Variants in CADM2 observed in about 807,000 individuals in gnomAD.
CADM2 encodes the protein cell adhesion molecule 2, also known as immunoglobulin superfamily member 4D.
A neutral mutation model predicts 49.8 loss-of-function variants in CADM2; 12 were observed. That is an observed-to-expected ratio of 0.24 (90% CI 0.15 to 0.39). The LOEUF is 0.39. Ranked by LOEUF, CADM2 falls within the 10% of genes least tolerant of loss-of-function variation. The probability of loss-of-function intolerance (pLI) is 1.00; values close to 1 mark genes in which losing one functional copy is unlikely to be tolerated. For missense variants in CADM2, 378 were observed against 492.3 expected (o/e 0.77, Z 2.20); for synonymous variants, 214 against 175.4 (o/e 1.22, Z -1.74).
At chr3:84,994,983 T>C (rs2033098844) in intron 1 of CADM2, among the ~76,000 whole-genome samples, 1 of 152,036 alleles carries the variant, frequency 6.6e-6, no homozygotes, top group African/African-American at 2.4e-5. Flanking sequence ...TCAGCCGAAA[T>C]TGAACCGTTG....
chr3:85,849,658 T>C (rs2075018022), intron 3 of CADM2, among the ~76,000 whole-genome samples: 1 of 152,218 alleles, frequency 6.6e-6, no homozygotes, highest in Non-Finnish European at 1.5e-5. Context: ...TTAATCATCA[T>C]ATATAAGCCA....
At chr3:85,916,215 C>T (rs1718292901) in intron 6 of CADM2, among the ~76,000 whole-genome samples, 1 of 152,120 alleles carries the variant, frequency 6.6e-6, no homozygotes, top group Non-Finnish European at 1.5e-5. Flanking sequence ...TACATGTGCA[C>T]AACGTGCAGG....
At chr3:85,873,702 G>A (rs1480706981) in intron 3 of CADM2, among the ~76,000 whole-genome samples, 1 of 151,636 alleles carries the variant, frequency 6.6e-6, no homozygotes, top group Admixed American at 6.6e-5. Context: ...TTAAAAAGTA[G>A]GATGTCATTC....
intron 1 of CADM2, among the ~76,000 whole-genome samples, chr3:85,715,751 AG>A (rs1179705989): frequency 6.6e-6 from 1 of 152,104 alleles, no homozygotes; most frequent in African/African-American, 2.4e-5. Context: ...TGAGAACATG[AG>A]GCCTTTCGTT....
intron 1 of CADM2, among the ~76,000 whole-genome samples, chr3:85,118,083 CT>C (rs1041843995): frequency 8.4e-4 from 127 of 151,972 alleles, no homozygotes; most frequent in African/African-American, 3.0e-3. Flanking sequence ...TTATTTTAAA[CT>C]TTTAATATTT....
chr3:85,157,220 C>T (rs2040158752), intron 1 of CADM2, among the ~76,000 whole-genome samples: 1 of 152,022 alleles, frequency 6.6e-6, no homozygotes, highest in African/African-American at 2.4e-5. Flanking sequence ...ACATTCCATG[C>T]TCATGGGTAG....
At chr3:85,094,476 G>T (rs766176954) in intron 1 of CADM2, among the ~76,000 whole-genome samples, 1 of 152,102 alleles carries the variant, frequency 6.6e-6, no homozygotes, top group Non-Finnish European at 1.5e-5. Flanking sequence ...AGAAGTAAGA[G>T]GTGGTAAAGA....
chr3:85,390,849 G>T (rs188817436), intron 1 of CADM2, among the ~76,000 whole-genome samples: 2 of 152,042 alleles, frequency 1.3e-5, no homozygotes, highest in Admixed American at 1.3e-4. Flanking sequence ...ATTTACAGCC[G>T]AATTGTAAAG....
At chr3:85,061,042 C>A (rs2036289939) in intron 1 of CADM2, among the ~76,000 whole-genome samples, 1 of 151,998 alleles carries the variant, frequency 6.6e-6, no homozygotes, top group Admixed American at 6.6e-5. Context: ...ATAATGATAA[C>A]AAAGACTCCC....
chr3:85,741,978 G>T (rs1349940572), intron 2 of CADM2, among the ~76,000 whole-genome samples: 1 of 152,052 alleles, frequency 6.6e-6, no homozygotes, highest in African/African-American at 2.4e-5. Context: ...CTTCTAGACG[G>T]ATATAAGTTA....
chr3:85,670,470 T>C (rs987595565), intron 1 of CADM2, among the ~76,000 whole-genome samples: 1 of 152,146 alleles, frequency 6.6e-6, no homozygotes, highest in Non-Finnish European at 1.5e-5. Flanking sequence ...ATTTTTGCGC[T>C]CTGCTGATGG....
intron 1 of CADM2, among the ~76,000 whole-genome samples, chr3:85,556,408 A>G (rs1038511614): frequency 2.6e-5 from 4 of 152,000 alleles, no homozygotes; most frequent in Non-Finnish European, 5.9e-5. Context: ...CACAGTTCAA[A>G]CCTGTTTTGC....
intron 7 of CADM2, among the ~76,000 whole-genome samples, chr3:85,950,323 G>C (rs1263175431): frequency 6.6e-6 from 1 of 151,162 alleles, no homozygotes; most frequent in East Asian, 2.0e-4. Flanking sequence ...GTCCTTAAGA[G>C]ATTAGCTTAG....
chr3:85,267,949 C>A (rs1015789793), intron 1 of CADM2, among the ~76,000 whole-genome samples: 4 of 151,656 alleles, frequency 2.6e-5, no homozygotes, highest in Non-Finnish European at 5.9e-5. Flanking sequence ...GTATGTAAAA[C>A]TCCTACAATG....
chr3:85,645,138 C>T (rs546528292), intron 1 of CADM2, among the ~76,000 whole-genome samples: 18 of 151,930 alleles, frequency 1.2e-4, no homozygotes, highest in African/African-American at 4.3e-4. Context: ...ATACATTCAG[C>T]CATCATTTTT....
intron 2 of CADM2, among the ~76,000 whole-genome samples, chr3:85,755,248 C>G (rs549093064): frequency 2.5e-4 from 38 of 152,238 alleles, no homozygotes; most frequent in East Asian, 1.2e-3. Context: ...CTCTCCTCCC[C>G]CTCCAGGTTG....
At chr3:84,993,869 A>G (rs1412190326) in intron 1 of CADM2, among the ~76,000 whole-genome samples, 1 of 152,190 alleles carries the variant, frequency 6.6e-6, no homozygotes, top group Non-Finnish European at 1.5e-5. Context: ...ACACAACAGT[A>G]ACAAAATTAA....
chr3:85,101,469 T>A (rs2107545444), intron 1 of CADM2, among the ~76,000 whole-genome samples: 1 of 152,298 alleles, frequency 6.6e-6, no homozygotes, highest in South Asian at 2.1e-4. Flanking sequence ...AAATGTGGTA[T>A]GTTGTATCAA....
At chr3:85,398,553 T>C (rs2034916696) in intron 1 of CADM2, among the ~76,000 whole-genome samples, 1 of 152,200 alleles carries the variant, frequency 6.6e-6, no homozygotes, top group Non-Finnish European at 1.5e-5. Flanking sequence ...ATGGTATTTC[T>C]AGTTCTAGAT....
Sources: gnomAD v4.1 joint callset for allele counts (sites outside exome capture counted in the v4.1 genomes callset) on GRCh38, gnomAD v4.1.1 for gene constraint, MANE v1.5 for transcripts, NCBI Gene and HGNC (gene_info 2026-07-23, HGNC 2026-07-21) for gene names.